SCHIP1: variants seen among roughly 807,000 people sequenced by gnomAD.
SCHIP1 encodes schwannomin interacting protein 1.
In SCHIP1, 8 loss-of-function variants were observed where a neutral mutation model predicts 29.7. That is an observed-to-expected ratio of 0.27 (90% confidence interval 0.16 to 0.49). The LOEUF is 0.49. Ranked by LOEUF, SCHIP1 falls within the 20% of genes least tolerant of loss-of-function variation. SCHIP1 has a pLI of 0.99. For missense variants in SCHIP1, 193 were observed against 294.6 expected, an observed-to-expected ratio of 0.66 and a Z score of 2.52; for synonymous variants, 76 against 94.9, an observed-to-expected ratio of 0.80 and a Z score of 1.16.
the SCHIP1 span, among the ~76,000 whole-genome samples, chr3:159,368,427 AG>A: frequency 2.6e-5 from 4 of 152,160 alleles, 1 homozygote; most frequent in Non-Finnish European, 5.9e-5. Flanking sequence ...TGATTTTTAT[AG>A]AATTAAACTG....
At chr3:159,371,619 G>T in the SCHIP1 span, among the ~76,000 whole-genome samples, 1 of 152,164 alleles carries the variant, frequency 6.6e-6, no homozygotes, top group East Asian at 1.9e-4. Flanking sequence ...TCATCACTTG[G>T]TATCTGTTGG....
chr3:159,776,021 C>G, the SCHIP1 span, among the ~76,000 whole-genome samples: 1 of 152,104 alleles, frequency 6.6e-6, no homozygotes, highest in African/African-American at 2.4e-5. Flanking sequence ...CTTTTCCCCA[C>G]CTAAAGAAAG....
the SCHIP1 span, among the ~76,000 whole-genome samples, chr3:159,563,855 GC>G: frequency 9.2e-5 from 14 of 152,004 alleles, no homozygotes; most frequent in Non-Finnish European, 1.5e-4. Context: ...AGGAAAAACA[GC>G]AATCCTCTAT....
the SCHIP1 span, among the ~76,000 whole-genome samples, chr3:159,295,500 C>G: frequency 6.6e-6 from 1 of 152,122 alleles, no homozygotes; most frequent in East Asian, 1.9e-4. Context: ...TCTCAGCACT[C>G]TCTACTCTCT....
chr3:159,748,265 G>A, the SCHIP1 span, among the ~76,000 whole-genome samples: 6 of 152,146 alleles, frequency 3.9e-5, no homozygotes, highest in African/African-American at 1.2e-4. Flanking sequence ...TTTTTAAAGT[G>A]TGTCTCAAAA....
At chr3:159,487,662 C>A in the SCHIP1 span, among the ~76,000 whole-genome samples, 2 of 151,982 alleles carry the variant, frequency 1.3e-5, no homozygotes, top group African/African-American at 4.8e-5. Flanking sequence ...GCCATAAATA[C>A]GAAAAATAAA....
chr3:159,869,704 C>T (rs1397507081), intron 2 of SCHIP1, among the ~76,000 whole-genome samples: 4 of 151,496 alleles, frequency 2.6e-5, no homozygotes, highest in African/African-American at 9.7e-5. Flanking sequence ...TTTATTCCTC[C>T]ACATAAACTT....
At chr3:159,300,896 G>A in the SCHIP1 span, among the ~76,000 whole-genome samples, 1 of 152,090 alleles carries the variant, frequency 6.6e-6, no homozygotes, top group Non-Finnish European at 1.5e-5. Context: ...TGCAGATTTT[G>A]TGAGATATGC....
At chr3:159,772,118 A>G in the SCHIP1 span, among the ~76,000 whole-genome samples, 2 of 152,048 alleles carry the variant, frequency 1.3e-5, no homozygotes, top group Admixed American at 6.5e-5. Context: ...AGACTCATCA[A>G]TTTCTGATTT....
chr3:159,599,044 G>T, the SCHIP1 span, among the ~76,000 whole-genome samples: 1 of 151,714 alleles, frequency 6.6e-6, no homozygotes, highest in Non-Finnish European at 1.5e-5. Context: ...ATTTGCTTTT[G>T]GTTTCTATTT....
chr3:159,425,995 A>C, the SCHIP1 span, among the ~76,000 whole-genome samples: 2 of 152,058 alleles, frequency 1.3e-5, no homozygotes, highest in African/African-American at 4.8e-5. Context: ...TGAAACCAAC[A>C]AGAACAAAGA....
the SCHIP1 span, among the ~76,000 whole-genome samples, chr3:159,605,940 C>T: frequency 6.6e-6 from 1 of 152,114 alleles, no homozygotes; most frequent in Admixed American, 6.5e-5. Flanking sequence ...GTGAGAAACT[C>T]AGATACAGGA....
intron 2 of SCHIP1, among the ~76,000 whole-genome samples, chr3:159,873,582 A>C (rs1560091632): frequency 6.6e-6 from 1 of 152,226 alleles, no homozygotes; most frequent in Non-Finnish European, 1.5e-5. Flanking sequence ...TTTCATGCCT[A>C]ATAGTGCAGC....
chr3:159,826,962 G>A, the SCHIP1 span, among the ~76,000 whole-genome samples: 1 of 152,166 alleles, frequency 6.6e-6, no homozygotes, highest in South Asian at 2.1e-4. Context: ...AGTTTACCTG[G>A]TGTCATGTGT....
the SCHIP1 span, among the ~76,000 whole-genome samples, chr3:159,451,016 G>A: frequency 4.1e-4 from 62 of 152,014 alleles, no homozygotes; most frequent in Admixed American, 7.2e-4. Flanking sequence ...CACTGTGTTA[G>A]CCAGGATGGT....
chr3:159,533,289 C>T, the SCHIP1 span, among the ~76,000 whole-genome samples: 28 of 151,974 alleles, frequency 1.8e-4, no homozygotes, highest in Admixed American at 4.6e-4. Flanking sequence ...GCAATCTCCC[C>T]GTGAGAGAAA....
At chr3:159,648,411 T>A in the SCHIP1 span, among the ~76,000 whole-genome samples, 1 of 152,142 alleles carries the variant, frequency 6.6e-6, no homozygotes, top group Non-Finnish European at 1.5e-5. Context: ...AAATCTTAGT[T>A]TCCTATTTCT....
chr3:159,599,966 A>G, the SCHIP1 span, among the ~76,000 whole-genome samples: 1 of 152,190 alleles, frequency 6.6e-6, no homozygotes, highest in Admixed American at 6.5e-5. Context: ...TTCATTTATG[A>G]AGGATAATTT....
chr3:159,715,189 G>C, the SCHIP1 span, among the ~76,000 whole-genome samples: 1 of 152,250 alleles, frequency 6.6e-6, no homozygotes, highest in African/African-American at 2.4e-5. Context: ...GGTTCTGACT[G>C]TTAGAAGGAA....
Sources: gnomAD v4.1 joint callset for allele counts (sites outside exome capture counted in the v4.1 genomes callset) on GRCh38, gnomAD v4.1.1 for gene constraint, MANE v1.5 for transcripts, NCBI Gene and HGNC (gene_info 2026-07-23, HGNC 2026-07-21) for gene names.